Variants in ITGA6 observed in about 807,000 individuals in gnomAD.
ITGA6 encodes integrin alpha-6.
Under a neutral mutation model 133.6 loss-of-function variants are expected in ITGA6, and 63 were observed. The observed-to-expected ratio is 0.47, with a 90% CI of 0.38 to 0.58. ITGA6 has a LOEUF of 0.58. Ranked by LOEUF, ITGA6 falls within the 20% of genes least tolerant of loss-of-function variation. The pLI, the probability that ITGA6 is intolerant of heterozygous loss-of-function variation, is 0.00. For missense variants in ITGA6, 1,068 were observed against 1,309.4 expected, an observed-to-expected ratio of 0.82 and a Z score of 2.85; for synonymous variants, 434 against 482.0, an observed-to-expected ratio of 0.90 and a Z score of 1.30.
intron 1 of ITGA6, among the ~76,000 whole-genome samples, chr2:172,455,157 TAA>T (rs1284687667): frequency 1.3e-5 from 2 of 152,194 alleles, no homozygotes; most frequent in Non-Finnish European, 2.9e-5. Flanking sequence ...TTTAAGCCAC[TAA>T]GTTTGCGGCC....
At chr2:172,450,260 G>C (rs1450779631) in intron 1 of ITGA6, among the ~76,000 whole-genome samples, 1 of 152,238 alleles carries the variant, frequency 6.6e-6, no homozygotes, top group East Asian at 1.9e-4. Flanking sequence ...TATGACCTGA[G>C]ATGTGCAAAG....
At chr2:172,445,984 G>A (rs192019272) in intron 1 of ITGA6, among the ~76,000 whole-genome samples, 1 of 152,396 alleles carries the variant, frequency 6.6e-6, no homozygotes, top group Admixed American at 6.5e-5. Flanking sequence ...TCCAGCTAAA[G>A]AGGGAGGTTC....
chr2:172,466,011 GT>G (rs1685657257), intron 2 of ITGA6: 2 of 364,120 alleles, frequency 5.5e-6, no homozygotes, highest in Non-Finnish European at 1.0e-5. Flanking sequence ...TCAGCCAAAA[GT>G]TCTCACATGC....
At chr2:172,465,725 G>A in intron 2 of ITGA6, 62 bp downstream of exon 2, 1 of 1,604,264 alleles carries the variant, frequency 6.2e-7, no homozygotes, top group African/African-American at 1.3e-5. Flanking sequence ...TTTCCATGAG[G>A]GAGGAGAGTG....
rs535707703 is a variant in ITGA6 at position 172,472,681 on chromosome 2, T to G, written c.776-1374T>G. ...CAGCTTGCCGGATGCAGTGGTGGCC[T>G]CCTCATCCAGCGAGAACAGCAGTGG... On this transcript the variant is annotated intron_variant, in intron 5 of 25. Coordinates refer to ENST00000684293, the MANE Select transcript of ITGA6 (RefSeq NM_000210.4). The G allele has an allele frequency of 8.9e-6, 7 of 786,988 alleles. No homozygotes were observed. The Admixed American group carries it at 9.7e-5, about 11-fold the overall frequency. The allele number at this position is 786,988 out of a possible 1,614,324, so 48.8% of individuals were successfully genotyped here. A position where few individuals can be genotyped will look rare whatever the true frequency, so the allele number is the denominator to read the frequency against.
chr2:172,501,945 A>G, intron 25 of ITGA6, 44 bp downstream of exon 25: 2 of 1,572,918 alleles, frequency 1.3e-6, no homozygotes, highest in Non-Finnish European at 8.6e-7. Context: ...GGGACCCGCT[A>G]TGGTTGTGGT....
intron 5 of ITGA6, among the ~76,000 whole-genome samples, chr2:172,473,383 CTGT>C (rs1448370729): frequency 1.3e-5 from 2 of 152,212 alleles, no homozygotes; most frequent in Non-Finnish European, 2.9e-5. Context: ...TTCCTCACCT[CTGT>C]TGTTTATACT....
chr2:172,427,674 A>G lies in ITGA6; in HGVS notation c.-115A>G, dbSNP rs1683902715. On this transcript the variant is annotated 5_prime_UTR_variant, in exon 1 of 26. Transcript: ENST00000684293. ...CCGTCCCGGGGGTGGGGCCGGGCGC[A>G]GCGGCGAGAGGAGGCGAAGGTGGCT... 25 of 1,333,030 alleles carry G rather than the reference A, an allele frequency of 1.9e-5. No individual in the cohort carries two copies. Among genetic ancestry groups the G allele is most frequent in the Non-Finnish European group, 2.2e-5 (23 of 1,043,692 alleles). The allele number at this position is 1,333,030 out of a possible 1,614,324, so 82.6% of individuals were successfully genotyped here. A position where few individuals can be genotyped will look rare whatever the true frequency, so the allele number is the denominator to read the frequency against.
intron 1 of ITGA6, among the ~76,000 whole-genome samples, chr2:172,441,978 G>C (rs530640684): frequency 1.8e-4 from 27 of 152,128 alleles, no homozygotes; most frequent in Non-Finnish European, 3.7e-4. Flanking sequence ...ACGTCGGTTC[G>C]TGTCCCATCA....
intron 20 of ITGA6, among the ~76,000 whole-genome samples, chr2:172,490,443 G>A (rs149334943): frequency 6.6e-6 from 1 of 152,352 alleles, no homozygotes; most frequent in East Asian, 1.9e-4. Context: ...GGTATGATCA[G>A]TGATCAGAGT....
intron 1 of ITGA6, among the ~76,000 whole-genome samples, chr2:172,434,936 C>T (rs942680457): frequency 2.0e-5 from 3 of 151,870 alleles, no homozygotes; most frequent in African/African-American, 7.3e-5. Context: ...CCTCTTTACC[C>T]AAGAGCTCTG....
intron 11 of ITGA6, among the ~76,000 whole-genome samples, chr2:172,481,174 T>C (rs1293251485): frequency 6.6e-6 from 1 of 152,242 alleles, no homozygotes; most frequent in Non-Finnish European, 1.5e-5. Context: ...TGTCAGCCTT[T>C]ACGATACTAT....
intron 1 of ITGA6, among the ~76,000 whole-genome samples, chr2:172,462,794 G>A (rs1353193260): frequency 6.6e-6 from 1 of 152,218 alleles, no homozygotes; most frequent in East Asian, 1.9e-4. Flanking sequence ...GGACACAGCA[G>A]GCTACAGAAG....
chr2:172,465,990 T>A (rs1021279780), intron 2 of ITGA6: 1 of 408,336 alleles, frequency 2.4e-6, no homozygotes, highest in African/African-American at 2.0e-5. Context: ...AATGAGCGTA[T>A]CTTGTATTCA....
chr2:172,432,090 G>T (rs1353720696), intron 1 of ITGA6, among the ~76,000 whole-genome samples: 2 of 152,182 alleles, frequency 1.3e-5, no homozygotes, highest in African/African-American at 4.8e-5. Flanking sequence ...TGAGGCCAGT[G>T]AATTATTTGG....
At chr2:172,499,332 A>G (rs1415468843) in intron 24 of ITGA6, among the ~76,000 whole-genome samples, 3 of 151,860 alleles carry the variant, frequency 2.0e-5, no homozygotes, top group Non-Finnish European at 4.4e-5. Flanking sequence ...GCCAGTCAAT[A>G]TAAAACATTT....
chr2:172,480,102 A>G lies in ITGA6; in HGVS notation c.1549+51A>G, dbSNP rs553408307. 7.6e-6 allele frequency: 8 copies of G among 1,050,446 alleles called. No homozygotes were observed. The South Asian group carries it at 1.0e-4, about 13-fold the overall frequency. 65.1% of individuals were successfully genotyped at this position (1,050,446 alleles called of 1,614,324 possible). On this transcript the variant is annotated intron_variant, in intron 11 of 25. Coordinates refer to ENST00000684293, the MANE Select transcript of ITGA6 (RefSeq NM_000210.4). ...TGTCTACTTTCTGTCTGCCAGGTTG[A>G]AAGTTCTGCATAAATCACAGAAAAA...
intron 10 of ITGA6, 63 bp from the exon 11 acceptor site, chr2:172,479,927 A>G (rs1686357473): frequency 1.7e-6 from 2 of 1,170,710 alleles, no homozygotes; most frequent in Non-Finnish European, 2.6e-6. Flanking sequence ...GCTAGGGAAC[A>G]TGTTGGGTTT....
chr2:172,485,813 G>A (rs1447852840), intron 13 of ITGA6, among the ~76,000 whole-genome samples: 1 of 152,188 alleles, frequency 6.6e-6, no homozygotes, highest in African/African-American at 2.4e-5. Context: ...GGTTTAGGAT[G>A]GTTAAGGTGC....
Sources: gnomAD v4.1 joint callset for allele counts (sites outside exome capture counted in the v4.1 genomes callset) on GRCh38, gnomAD v4.1.1 for gene constraint, MANE v1.5 for transcripts, NCBI Gene and HGNC (gene_info 2026-07-23, HGNC 2026-07-21) for gene names.